The following CNTN5 variants were observed in gnomAD, a reference collection of about 807,000 sequenced individuals.
CNTN5 encodes contactin 5, also known as contactin-5.
Under a neutral mutation model 129.1 loss-of-function variants are expected in CNTN5, and 77 were observed. The observed-to-expected ratio is 0.60, with a 90% CI of 0.50 to 0.72. The LOEUF (loss-of-function observed/expected upper bound fraction) is 0.72, where lower values mean the gene tolerates loss of function less well. CNTN5 is among the 30% of genes least tolerant of loss of function. The pLI, the probability that CNTN5 is intolerant of heterozygous loss-of-function variation, is 0.00. For missense variants in CNTN5, 1,478 were observed against 1,328.8 expected, an observed-to-expected ratio of 1.11 and a Z score of -1.75; for synonymous variants, 509 against 465.6, an observed-to-expected ratio of 1.09 and a Z score of -1.20.
chr11:100,034,574 C>T (rs1353322448), intron 9 of CNTN5, among the ~76,000 whole-genome samples: 1 of 152,132 alleles, frequency 6.6e-6, no homozygotes, highest in Non-Finnish European at 1.5e-5. Flanking sequence ...TGTCCTAAAC[C>T]AAAGTCTTAC....
intron 3 of CNTN5, among the ~76,000 whole-genome samples, chr11:99,608,549 A>G (rs556278851): frequency 6.6e-6 from 1 of 152,238 alleles, no homozygotes; most frequent in African/African-American, 2.4e-5. Context: ...AAAAGAGAAA[A>G]ATTGTACACA....
chr11:99,293,906 T>G (rs556105694), intron 1 of CNTN5, among the ~76,000 whole-genome samples: 6 of 152,168 alleles, frequency 3.9e-5, no homozygotes, highest in African/African-American at 1.4e-4. Flanking sequence ...TTTTCTGTTT[T>G]ACTTATTTCT....
chr11:99,921,028 G>C (rs34472097), intron 7 of CNTN5, among the ~76,000 whole-genome samples: 10,210 of 152,108 alleles, frequency 0.067, 398 homozygotes, highest in Non-Finnish European at 0.084. Context: ...AACAAAGAAG[G>C]TGTCCATCTG....
chr11:99,626,323 G>A (rs1302155026), intron 3 of CNTN5, among the ~76,000 whole-genome samples: 4 of 149,806 alleles, frequency 2.7e-5, no homozygotes, highest in African/African-American at 1.0e-4. Flanking sequence ...TTTTAAGAAA[G>A]TTGGAACATG....
intron 1 of CNTN5, among the ~76,000 whole-genome samples, chr11:99,154,958 C>G (rs1373124503): frequency 1.3e-5 from 2 of 152,174 alleles, no homozygotes; most frequent in Admixed American, 6.5e-5. Context: ...TCCTGCTCCA[C>G]GTCCAGACAG....
At chr11:99,561,963 G>T (rs1357766826) in intron 3 of CNTN5, among the ~76,000 whole-genome samples, 2 of 152,144 alleles carry the variant, frequency 1.3e-5, no homozygotes, top group Non-Finnish European at 2.9e-5. Context: ...CCACTCCAAA[G>T]TATGCCTCCT....
At position 99,030,503 on chromosome 11, in the gene CNTN5, T is replaced by C. The variant is rs1863318555; in HGVS notation, c.-210+9233T>C. Reference sequence around the variant, plus strand: ...ATTACCTCTTCTGGACATTTTACTTTAATTTTGTTTTGTTGGGCTAGAAAA... The same window carrying C: ...ATTACCTCTTCTGGACATTTTACTTCAATTTTGTTTTGTTGGGCTAGAAAA... On this transcript the variant is annotated intron_variant, in intron 1 of 24. Coordinates refer to ENST00000524871, the MANE Select transcript of CNTN5 (RefSeq NM_014361.4). Among the ~76,000 whole-genome samples, 3 of 152,150 alleles carry C rather than the reference T, an allele frequency of 2.0e-5. No homozygotes were observed. In the South Asian group the frequency reaches 6.2e-4, roughly 31 times the overall value.
intron 6 of CNTN5, among the ~76,000 whole-genome samples, chr11:99,879,664 G>A (rs143004325): frequency 1.2e-3 from 187 of 152,166 alleles, no homozygotes; most frequent in African/African-American, 4.2e-3. Context: ...GCTAGCTACC[G>A]TTTATTGAGT....
At chr11:99,940,541 A>G (rs1163806248) in intron 7 of CNTN5, among the ~76,000 whole-genome samples, 1 of 152,172 alleles carries the variant, frequency 6.6e-6, no homozygotes, top group African/African-American at 2.4e-5. Context: ...TAGGTACAGT[A>G]TTACAACGAC....
At chr11:100,295,170 T>C (rs1951076427) in intron 18 of CNTN5, among the ~76,000 whole-genome samples, 1 of 151,498 alleles carries the variant, frequency 6.6e-6, no homozygotes, top group African/African-American at 2.4e-5. Flanking sequence ...AAATTGGAGG[T>C]AAGGTAAGAG....
chr11:99,386,445 A>G (rs1467426152), intron 2 of CNTN5, among the ~76,000 whole-genome samples: 1 of 152,202 alleles, frequency 6.6e-6, no homozygotes, highest in African/African-American at 2.4e-5. Flanking sequence ...TAGACCATCT[A>G]GAGTAACTTC....
intron 1 of CNTN5, among the ~76,000 whole-genome samples, chr11:99,313,007 A>G (rs1865179045): frequency 6.6e-6 from 1 of 151,988 alleles, no homozygotes; most frequent in South Asian, 2.1e-4. Flanking sequence ...AAAGTAGAAA[A>G]CCCAGAGCTA....
chr11:99,471,006 T>C (rs1448719839), intron 2 of CNTN5, among the ~76,000 whole-genome samples: 1 of 152,048 alleles, frequency 6.6e-6, no homozygotes, highest in Non-Finnish European at 1.5e-5. Context: ...CACTTTCAGG[T>C]CTGGGTTCAA....
chr11:99,888,832 C>T (rs1213077751), intron 6 of CNTN5, among the ~76,000 whole-genome samples: 1 of 152,138 alleles, frequency 6.6e-6, no homozygotes, highest in African/African-American at 2.4e-5. Context: ...TAAGCTGGAC[C>T]TGAGTTTGAC....
chr11:99,503,428 G>A (rs1441972812), intron 2 of CNTN5, among the ~76,000 whole-genome samples: 1 of 152,136 alleles, frequency 6.6e-6, no homozygotes, highest in Admixed American at 6.6e-5. Flanking sequence ...TAGATTCTCA[G>A]CCTCATATTC....
chr11:99,426,544 T>A lies in CNTN5; in HGVS notation c.-71+101060T>A, dbSNP rs184698881. 2.6e-3 allele frequency among the ~76,000 whole-genome samples: 401 copies of A among 152,340 alleles called. 3 individuals carry two copies. The highest frequency in any genetic ancestry group is 2.2e-3 in the Non-Finnish European group (147 of 68,040). On this transcript the variant is annotated intron_variant, in intron 2 of 24. Transcript: ENST00000524871. ...TTTTTATAATCTTTTACAATTTTTTTAATTAAAGAGTGGTTAAAGCTGCCA... is the reference window on the plus strand; with the variant it reads ...TTTTTATAATCTTTTACAATTTTTTAAATTAAAGAGTGGTTAAAGCTGCCA...
At chr11:100,278,060 A>C (rs954982556) in intron 18 of CNTN5, among the ~76,000 whole-genome samples, 20 of 152,260 alleles carry the variant, frequency 1.3e-4, no homozygotes, top group African/African-American at 4.6e-4. Context: ...TATTTAGTGA[A>C]GAGACTGTCC....
At chr11:100,024,193 A>G (rs776853966) in intron 9 of CNTN5, among the ~76,000 whole-genome samples, 39 of 152,100 alleles carry the variant, frequency 2.6e-4, no homozygotes, top group Non-Finnish European at 5.0e-4. Flanking sequence ...GTGAGTTCTC[A>G]TGAGATCTGA....
rs559765401 is a variant in CNTN5, at chr11:99,989,688, C to A, written c.878-12346C>A. 3.4e-4 allele frequency among the ~76,000 whole-genome samples: 51 copies of A among 152,178 alleles called. No homozygotes were observed. In the South Asian group the frequency reaches 0.01, roughly 30 times the overall value. ...AATTTATGAAAATAATAAACATCTA[C>A]TTTTCTTTAAAAAAAACTTCATCTC... On this transcript the variant is annotated intron_variant, in intron 8 of 24. Transcript: ENST00000524871.
Sources: allele counts gnomAD v4.1 joint callset (sites outside exome capture counted in the v4.1 genomes callset), GRCh38; gene constraint gnomAD v4.1.1; transcripts MANE v1.5; gene names NCBI Gene and HGNC (gene_info 2026-07-23, HGNC 2026-07-21).